Variants in MME observed in about 807,000 individuals in gnomAD.
MME encodes the protein neprilysin.
Under a neutral mutation model 113.2 loss-of-function variants are expected in MME, and 98 were observed. That is an observed-to-expected ratio of 0.87 (90% CI 0.74 to 1.02). The LOEUF is 1.02. Ranked by LOEUF, MME falls within the 50% of genes least tolerant of loss-of-function variation. The pLI is 0.00. For missense variants in MME, 836 were observed against 896.0 expected, an observed-to-expected ratio of 0.93 and a Z score of 0.86; for synonymous variants, 292 against 300.6, an observed-to-expected ratio of 0.97 and a Z score of 0.30.
chr3:155,063,514 A>AAT (rs1357602385), intron 1 of MME, among the ~76,000 whole-genome samples: 5 of 111,528 alleles, frequency 4.5e-5, no homozygotes. Flanking sequence ...TATATATTTA[A>AAT]ATATATATAT....
chr3:155,137,994 T>G (rs1160809082), intron 8 of MME, 108 bp from the exon 9 acceptor site: 1 of 1,226,900 alleles, frequency 8.2e-7, no homozygotes, highest in Non-Finnish European at 1.2e-6. Flanking sequence ...TTTATTTTAC[T>G]AAGGTTATCT....
chr3:155,052,347 C>T (rs1394568392), intron 1 of MME, among the ~76,000 whole-genome samples: 1 of 152,242 alleles, frequency 6.6e-6, no homozygotes, highest in Non-Finnish European at 1.5e-5. Flanking sequence ...TCCAACCCCA[C>T]ATTTCCCTTC....
intron 1 of MME, among the ~76,000 whole-genome samples, chr3:155,049,318 C>T (rs891364451): frequency 6.6e-6 from 1 of 152,014 alleles, no homozygotes; most frequent in Admixed American, 6.6e-5. Context: ...AAAGGTCAAA[C>T]AGAAATACCT....
At chr3:155,107,673 TA>T (rs1717804708) in intron 3 of MME, among the ~76,000 whole-genome samples, 1 of 152,194 alleles carries the variant, frequency 6.6e-6, no homozygotes, top group Admixed American at 6.5e-5. Context: ...AAAATGTATT[TA>T]TTACCCCCAA....
intron 1 of MME, among the ~76,000 whole-genome samples, chr3:155,045,353 T>C (rs1713521467): frequency 6.6e-6 from 1 of 152,052 alleles, no homozygotes; most frequent in South Asian, 2.1e-4. Context: ...TTTCTCCATG[T>C]TGGCCGGGAT....
intron 16 of MME, among the ~76,000 whole-genome samples, chr3:155,151,968 A>T (rs963095352): frequency 6.6e-6 from 1 of 151,006 alleles, no homozygotes; most frequent in African/African-American, 2.5e-5. Context: ...CTACTACCTT[A>T]GAGATTTTTT....
intron 16 of MME, among the ~76,000 whole-genome samples, chr3:155,154,095 T>A (rs1722143500): frequency 6.6e-6 from 1 of 152,166 alleles, no homozygotes; most frequent in South Asian, 2.1e-4. Flanking sequence ...TGTCAGCATT[T>A]AAATTAATAT....
chr3:155,052,654 A>T (rs942209314), intron 1 of MME, among the ~76,000 whole-genome samples: 1 of 152,180 alleles, frequency 6.6e-6, no homozygotes, highest in Non-Finnish European at 1.5e-5. Context: ...CAGCCCACAA[A>T]ACCATTTTTT....
At chr3:155,098,082 T>TA (rs942834870) in intron 3 of MME, among the ~76,000 whole-genome samples, 6 of 151,784 alleles carry the variant, frequency 4.0e-5, no homozygotes, top group African/African-American at 7.3e-5. Context: ...CACACACATA[T>TA]AAAAAAACAT....
rs915299914 is a variant in MME, at chr3:155,143,358, A to T, written c.1189-85A>T. The T allele has an allele frequency of 2.6e-5, 39 of 1,489,230 alleles. No homozygotes were observed. In the East Asian group the frequency reaches 8.6e-4, roughly 33 times the overall value. The allele number at this position is 1,489,230 out of a possible 1,614,324, so 92.3% of individuals were successfully genotyped here. Reference sequence around the variant, plus strand: ...AGTGATGAATATTTCAAGAACTTAGATGAGACATTTGTGAAATGTGTGCTC... The same window carrying T: ...AGTGATGAATATTTCAAGAACTTAGTTGAGACATTTGTGAAATGTGTGCTC... On this transcript the variant is annotated intron_variant, in intron 12 of 22. Coordinates refer to ENST00000360490, the MANE Select transcript of MME (RefSeq NM_007289.4).
At chr3:155,049,627 ATATCTATCTATCTATCTATC>A (rs56832533) in intron 1 of MME, among the ~76,000 whole-genome samples, 9 of 147,198 alleles carry the variant, frequency 6.1e-5, no homozygotes, top group East Asian at 2.0e-4. Context: ...TCATCTTAGT[ATATCTATCTATCTATCTATC>A]TATCTATCTA....
Position 155,047,318 on chromosome 3 carries a change from A to G in MME, c.-11+22994A>G, listed in dbSNP as rs150483455. On this transcript the variant is annotated intron_variant, in intron 1 of 22. Transcript: ENST00000492661. ...CACTGTCTATAGTATTTAATAGAGT[A>G]ACATGCTGTGCAGGTGGTAACCTAG... 9.2e-5 allele frequency among the ~76,000 whole-genome samples: 14 copies of G among 152,338 alleles called. No homozygotes were observed. The East Asian group carries it at 2.7e-3, about 29-fold the overall frequency.
intron 3 of MME, among the ~76,000 whole-genome samples, chr3:155,110,522 T>G (rs937389994): frequency 1.3e-5 from 2 of 152,186 alleles, no homozygotes; most frequent in African/African-American, 4.8e-5. Context: ...ATTCCTATAG[T>G]CAAATAAGTT....
intron 1 of MME, among the ~76,000 whole-genome samples, chr3:155,064,443 C>G (rs564287569): frequency 6.6e-6 from 1 of 152,042 alleles, no homozygotes; most frequent in Non-Finnish European, 1.5e-5. Flanking sequence ...TTAAGTGAGG[C>G]TAAGGAAAAA....
chr3:155,045,673 G>T (rs1313903748), intron 1 of MME, among the ~76,000 whole-genome samples: 1 of 151,498 alleles, frequency 6.6e-6, no homozygotes, highest in Admixed American at 6.6e-5. Flanking sequence ...TGTCAATTTT[G>T]TTGGTCTTTT....
intron 16 of MME, among the ~76,000 whole-genome samples, chr3:155,154,049 C>T (rs1352129882): frequency 3.9e-5 from 6 of 152,114 alleles, no homozygotes; most frequent in South Asian, 2.1e-4. Flanking sequence ...ACAATTAAAC[C>T]TTTACTTATT....
chr3:155,041,777 G>A (rs1156931983), intron 1 of MME, among the ~76,000 whole-genome samples: 1 of 152,144 alleles, frequency 6.6e-6, no homozygotes, highest in Admixed American at 6.6e-5. Flanking sequence ...AAGAGCTAGA[G>A]TGGAGAGAAA....
chr3:155,156,029 A>T (rs138900014), intron 16 of MME, among the ~76,000 whole-genome samples: 2 of 152,324 alleles, frequency 1.3e-5, no homozygotes, highest in East Asian at 3.9e-4. Flanking sequence ...AGCCTCAGAC[A>T]GATTCAGGTA....
At chr3:155,054,903 A>G (rs997921657) in intron 1 of MME, among the ~76,000 whole-genome samples, 1 of 152,244 alleles carries the variant, frequency 6.6e-6, no homozygotes, top group African/African-American at 2.4e-5. Context: ...TGGCCAATTA[A>G]CATATGACTA....
Sources: gnomAD v4.1 joint callset for allele counts (sites outside exome capture counted in the v4.1 genomes callset) on GRCh38, gnomAD v4.1.1 for gene constraint, MANE v1.5 for transcripts, NCBI Gene and HGNC (gene_info 2026-07-23, HGNC 2026-07-21) for gene names.